The following NAA16 variants were observed in gnomAD, a reference collection of about 807,000 sequenced individuals.
NAA16 encodes N-alpha-acetyltransferase 16, NatA auxiliary subunit.
Under a neutral mutation model 110.3 loss-of-function variants are expected in NAA16, and 97 were observed. The observed-to-expected ratio is 0.88, with a 90% confidence interval of 0.75 to 1.04. The LOEUF (loss-of-function observed/expected upper bound fraction) is 1.04, where lower values mean the gene tolerates loss of function less well. Ranked by LOEUF, NAA16 falls within the 50% of genes least tolerant of loss-of-function variation. The pLI, the probability that NAA16 is intolerant of heterozygous loss-of-function variation, is 0.00. For missense variants in NAA16, 1,017 were observed against 1,005.1 expected (o/e 1.01, Z -0.16); for synonymous variants, 372 against 330.6 (o/e 1.13, Z -1.36).
chr13:41,357,295 T>C (rs947789963), intron 10 of NAA16, among the ~76,000 whole-genome samples: 9 of 152,188 alleles, frequency 5.9e-5, no homozygotes, highest in African/African-American at 1.4e-4. Flanking sequence ...CACTCCAGTG[T>C]TGGTGATAGA....
rs574907200 is a variant in NAA16 at position 41,375,927 on chromosome 13, G to A, written c.*325G>A. The A allele has an allele frequency of 3.7e-5, 7 of 189,292 alleles. No homozygotes were observed. In the South Asian group the frequency reaches 1.1e-3, roughly 30 times the overall value. The allele number at this position is 189,292 out of a possible 1,614,324, so 11.7% of individuals were successfully genotyped here. ...TTCAGGATCTGTGCTTTGATTCCTT[G>A]TCTGTTTTATCGTATATTTGCTTGC... On this transcript the variant is annotated 3_prime_UTR_variant, in exon 20 of 20. Coordinates refer to ENST00000379406, the MANE Select transcript of NAA16 (RefSeq NM_024561.5).
At chr13:41,343,257 T>A (rs1229524702) in intron 9 of NAA16, among the ~76,000 whole-genome samples, 1 of 152,140 alleles carries the variant, frequency 6.6e-6, no homozygotes, top group African/African-American at 2.4e-5. Flanking sequence ...GATGCCTAGT[T>A]AATTTTTTAA....
chr13:41,353,794 CA>C (rs1277423140), intron 9 of NAA16, among the ~76,000 whole-genome samples: 13 of 151,696 alleles, frequency 8.6e-5, no homozygotes, highest in African/African-American at 2.9e-4. Flanking sequence ...CACACACACA[CA>C]CACACACCCC....
Position 41,361,904 on chromosome 13 carries a change from A to G in NAA16, c.1411-127A>G, listed in dbSNP as rs137949720. The stretch of plus-strand genomic sequence containing the variant: ...GTAGTATAAAACCATGTTTGGAAAC[A>G]TACTGATATATTTGCTAATTGCTGC... On this transcript the variant is annotated intron_variant, in intron 12 of 19. Transcript: ENST00000379406. 5.0e-4 allele frequency: 503 copies of G among 1,004,538 alleles called. 5 individuals are homozygous for G. The East Asian group carries it at 0.014, about 28-fold the overall frequency. 62.2% of individuals were successfully genotyped at this position (1,004,538 alleles called of 1,614,324 possible).
chr13:41,375,321 C>G, intron 19 of NAA16, 84 bp from the exon 20 acceptor site: 3 of 928,540 alleles, frequency 3.2e-6, no homozygotes, highest in Middle Eastern at 3.2e-4. Flanking sequence ...CTCAATTTAA[C>G]ACATTGCATC....
chr13:41,370,617 T>A (rs565739496), intron 15 of NAA16, among the ~76,000 whole-genome samples: 17 of 152,212 alleles, frequency 1.1e-4, no homozygotes, highest in Non-Finnish European at 2.5e-4. Context: ...CCATCCATGC[T>A]TTGTCTCTGA....
chr13:41,336,843 A>C, intron 9 of NAA16, 87 bp downstream of exon 9: 1 of 707,946 alleles, frequency 1.4e-6, no homozygotes, highest in Admixed American at 3.1e-5. Context: ...GCTATTACTT[A>C]ATCATTTTCT....
Position 41,375,406 on chromosome 13 carries a change from C to T in NAA16, c.2399C>T (p.Thr800Ile), listed in dbSNP as rs1225009499. The T allele has an allele frequency of 6.2e-7, 1 of 1,604,928 alleles. No homozygotes were observed. The highest frequency in any genetic ancestry group is 8.5e-7 in the Non-Finnish European group (1 of 1,173,846). Residue 800 changes from threonine to isoleucine, a missense_variant and splice_region_variant, in exon 20 of 20, where the codon ACA (threonine) becomes ATA (isoleucine). Transcript: ENST00000379406. ...DETIKDKDVK[T>I]LIKVSEALLD... ...TGTGTTTTCCTTTTGTTTCACTAGA[C>T]ATTAATAAAGGTTTCTGAAGCACTG...
At chr13:41,340,026 G>T (rs1319495348) in intron 9 of NAA16, among the ~76,000 whole-genome samples, 2 of 151,856 alleles carry the variant, frequency 1.3e-5, no homozygotes, top group African/African-American at 4.8e-5. Context: ...TGATATCAAG[G>T]TGTTCTTGTC....
intron 4 of NAA16, 50 bp from the exon 5 acceptor site, chr13:41,323,006 A>C: frequency 4.0e-6 from 6 of 1,512,270 alleles, no homozygotes; most frequent in Non-Finnish European, 5.5e-6. Flanking sequence ...CTTAAAACTG[A>C]TGAAATAATG....
At chr13:41,345,218 C>G (rs1214131120) in intron 9 of NAA16, among the ~76,000 whole-genome samples, 1 of 152,190 alleles carries the variant, frequency 6.6e-6, no homozygotes, top group Non-Finnish European at 1.5e-5. Context: ...AATGGAATTG[C>G]TGAGTCAAAT....
intron 9 of NAA16, among the ~76,000 whole-genome samples, chr13:41,352,239 G>C (rs1032599396): frequency 2.6e-5 from 4 of 152,158 alleles, no homozygotes; most frequent in Admixed American, 2.0e-4. Flanking sequence ...CTACTCAGGA[G>C]GCTGAGGCAG....
At chr13:41,324,421 G>A (rs1388806271) in intron 5 of NAA16, among the ~76,000 whole-genome samples, 1 of 132,334 alleles carries the variant, frequency 7.6e-6, no homozygotes, top group Non-Finnish European at 1.5e-5. Context: ...TGTCGCCCAG[G>A]CTAGAGTTCA....
intron 12 of NAA16, among the ~76,000 whole-genome samples, chr13:41,359,220 G>A (rs1183296350): frequency 6.6e-6 from 1 of 152,154 alleles, no homozygotes; most frequent in Non-Finnish European, 1.5e-5. Flanking sequence ...TATATAAAGA[G>A]TATGCTATAC....
intron 14 of NAA16, among the ~76,000 whole-genome samples, chr13:41,368,070 A>C (rs2043242180): frequency 6.6e-6 from 1 of 152,188 alleles, no homozygotes; most frequent in South Asian, 2.1e-4. Flanking sequence ...GGAAACATAG[A>C]AATGTCTGTG....
Position 41,320,869 on chromosome 13 carries a change from A to G in NAA16, c.402+45A>G. On this transcript the variant is annotated intron_variant, in intron 4 of 19. Coordinates refer to ENST00000379406, the MANE Select transcript of NAA16 (RefSeq NM_024561.5). ...ATGTACATGATTTTACAGTAGACAA[A>G]ATTTAAGAGCGTGTCATTTCAGAAT... 3 of 1,512,094 alleles carry G rather than the reference A, an allele frequency of 2.0e-6. No individual in the cohort carries two copies. The South Asian group carries it at 3.9e-5, about 20-fold the overall frequency. 93.7% of individuals were successfully genotyped at this position (1,512,094 alleles called of 1,614,324 possible). A position where few individuals can be genotyped will look rare whatever the true frequency, so the allele number is the denominator to read the frequency against.
At chr13:41,370,967 C>T (rs985229769) in intron 15 of NAA16, among the ~76,000 whole-genome samples, 1 of 152,150 alleles carries the variant, frequency 6.6e-6, no homozygotes, top group Non-Finnish European at 1.5e-5. Context: ...ACAATAAATC[C>T]CTGCTGGTGT....
chr13:41,373,415 G>T (rs1229450988), intron 17 of NAA16: 1 of 284,852 alleles, frequency 3.5e-6, no homozygotes, highest in Admixed American at 6.5e-5. Context: ...GTACCACCAT[G>T]CCCGGCTAAT....
intron 9 of NAA16, among the ~76,000 whole-genome samples, chr13:41,337,867 A>G (rs1205751540): frequency 1.3e-5 from 2 of 152,132 alleles, no homozygotes; most frequent in African/African-American, 2.4e-5. Context: ...GCTGATTGGC[A>G]TTTTCCTACC....
Sources: allele counts gnomAD v4.1 joint callset (sites outside exome capture counted in the v4.1 genomes callset), GRCh38; gene constraint gnomAD v4.1.1; transcripts MANE v1.5; gene names NCBI Gene and HGNC (gene_info 2026-07-23, HGNC 2026-07-21).